GCC2: variants seen among roughly 807,000 people sequenced by gnomAD.
The protein encoded by GCC2 is GRIP and coiled-coil domain containing 2.
Under a neutral mutation model 210.6 loss-of-function variants are expected in GCC2, and 120 were observed. The ratio of observed to expected loss-of-function variants is 0.57; its 90% confidence interval spans 0.49 to 0.66. The LOEUF is 0.66. Ranked by LOEUF, GCC2 falls within the 30% of genes least tolerant of loss-of-function variation. The pLI, the probability that GCC2 is intolerant of heterozygous loss-of-function variation, is 0.00. For missense variants in GCC2, 1,868 were observed against 1,871.9 expected, an observed-to-expected ratio of 1.00 and a Z score of 0.04; for synonymous variants, 703 against 652.7, an observed-to-expected ratio of 1.08 and a Z score of -1.17.
Position 108,475,577 on chromosome 2 carries a change from A to G in GCC2, c.2903A>G (p.Asn968Ser), listed in dbSNP as rs753434393. The G allele has an allele frequency of 3.3e-6, 5 of 1,532,412 alleles. No individual in the cohort carries two copies. The highest frequency in any genetic ancestry group is 2.8e-5 in the African/African-American group (2 of 71,388). The allele number at this position is 1,532,412 out of a possible 1,614,324, so 94.9% of individuals were successfully genotyped here. ...KECKEKEEKI[N>S]KIKLVAVKAK... ...TGCAAAGAAAAGGAGGAGAAAATAA[A>G]TAAGATAAAATTAGTTGCCGTAAAG... Residue 968 changes from asparagine (N) to serine (S), a missense_variant, in exon 8 of 23, where the codon AAT (asparagine) becomes AGT (serine). Transcript: ENST00000309863.
rs753544225 is a variant in GCC2, at chr2:108,486,622, C to T, written c.3904C>T (p.Leu1302=). The T allele has an allele frequency of 1.9e-6, 3 of 1,613,414 alleles. No homozygotes were observed. The highest frequency in any genetic ancestry group is 1.1e-5 in the South Asian group (1 of 90,930). Residue 1302 remains leucine (L), a synonymous_variant, in exon 16 of 23, where the codon CTA becomes TTA. Transcript: ENST00000309863. The part of the protein sequence containing the change: ...LSAYQQRVTA[L]QEECRAAKAE... Reference sequence around the variant, plus strand: ...TGCATACCAGCAGAGAGTGACAGCACTACAGGAAGAGTGCCGTGCTGCCAA... The same window carrying T: ...TGCATACCAGCAGAGAGTGACAGCATTACAGGAAGAGTGCCGTGCTGCCAA...
At position 108,471,682 on chromosome 2, in the gene GCC2, G is replaced by C. The variant is rs781259774; in HGVS notation, c.2353G>C (p.Ala785Pro). The change falls in exon 6 of 23, where the codon GCA (alanine) becomes CCA (proline). Residue 785 changes from alanine (A) to proline (P), a missense_variant. Ala to Pro is a conservative substitution (Grantham distance 27). This residue lies in a region of GCC2 where 1,847 missense variants were observed against 1,765.2 expected (regional missense o/e 1.05). Coordinates refer to ENST00000309863, the MANE Select transcript of GCC2 (RefSeq NM_181453.4). Reference sequence around the variant, plus strand: ...GAAAGATGTTGTTAATGTCCTACAGGCAGTCGGTGAATCCTTGGCAAAAAT... The same window carrying C: ...GAAAGATGTTGTTAATGTCCTACAGCCAGTCGGTGAATCCTTGGCAAAAAT... Reference protein sequence around the residue: ...EEKDVVNVLQAVGESLAKINE... With the variant: ...EEKDVVNVLQPVGESLAKINE... 2 of 1,613,622 alleles carry C rather than the reference G, an allele frequency of 1.2e-6. No individual in the cohort carries two copies. The highest frequency in any genetic ancestry group is 1.7e-6 in the Non-Finnish European group (2 of 1,179,652).
Position 108,470,158 on chromosome 2 carries a change from A to G in GCC2, c.829A>G (p.Lys277Glu). ...AGAGATAAATAAGTTGAACGAGCTA[A>G]AAGAGAACTTAGTAAAACAATGTGA... ...EAEINKLNEL[K>E]ENLVKQCEAS... The change falls in exon 6 of 23, where the codon AAA (lysine) becomes GAA (glutamate). Residue 277 changes from lysine to glutamate, a missense_variant. Lys to Glu is a moderately conservative substitution (Grantham distance 56). Transcript: ENST00000309863. 1.9e-6 allele frequency: 3 copies of G among 1,613,804 alleles called. No homozygotes were observed. The highest frequency in any genetic ancestry group is 2.5e-6 in the Non-Finnish European group (3 of 1,179,882).
chr2:108,472,379 G>GT (rs1338398840), intron 6 of GCC2, among the ~76,000 whole-genome samples: 2 of 152,138 alleles, frequency 1.3e-5, no homozygotes, highest in African/African-American at 4.8e-5. Context: ...TTGATCAGAA[G>GT]TTTATTAGTC....
At chr2:108,503,803 T>C (rs1683047213) in intron 22 of GCC2, among the ~76,000 whole-genome samples, 1 of 152,188 alleles carries the variant, frequency 6.6e-6, no homozygotes, top group East Asian at 1.9e-4. Context: ...ATTCAGAATA[T>C]TTTTTTAAAA....
rs151279248 is a variant in GCC2, at chr2:108,497,076, A to G, written c.4749A>G (p.Glu1583=). The change falls in exon 21 of 23, where the codon GAA becomes GAG. Residue 1583 remains glutamate, a synonymous_variant. Transcript: ENST00000309863. The stretch of plus-strand genomic sequence containing the variant: ...TAAACGGCCTGCTTCGGGAAACAGA[A>G]GCAACCAATGCAATTCTTATGGAGC... ...DHLNGLLRET[E]ATNAILMEQI... is the part of the protein sequence containing the mutation. 762 of 1,611,926 alleles carry G rather than the reference A, an allele frequency of 4.7e-4. 15 individuals are homozygous for G. The highest frequency in any genetic ancestry group is 4.5e-4 in the Middle Eastern group (2 of 4,452).
In GCC2 at chr2:108,475,635, G is replaced by A; in HGVS notation, c.2961G>A (p.Glu987=). The A allele has an allele frequency of 1.3e-6, 2 of 1,527,832 alleles. No homozygotes were observed. The highest frequency in any genetic ancestry group is 1.8e-6 in the Non-Finnish European group (2 of 1,128,504). 94.6% of individuals were successfully genotyped at this position (1,527,832 alleles called of 1,614,324 possible). A position where few individuals can be genotyped will look rare whatever the true frequency, so the allele number is the denominator to read the frequency against. The part of the protein sequence containing the change: ...AKKELDSSRK[E]TQTVKEELES... ...AAGAACTAGATTCCAGCAGAAAAGA[G>A]GTGAGCTGACTTTAAAAATGTAAGA... Residue 987 remains glutamate (E), a splice_region_variant and synonymous_variant, in exon 8 of 23, where the codon GAG becomes GAA. Transcript: ENST00000309863.
At chr2:108,479,362 C>T (rs770318981) in intron 9 of GCC2, among the ~76,000 whole-genome samples, 4 of 152,072 alleles carry the variant, frequency 2.6e-5, no homozygotes, top group Non-Finnish European at 5.9e-5. Flanking sequence ...AAGCAAGAGC[C>T]GGGCATGGTG....
At position 108,470,276 on chromosome 2, in the gene GCC2, G is replaced by T; in HGVS notation, c.947G>T (p.Cys316Phe). 1 of 1,613,406 alleles carries T rather than the reference G, an allele frequency of 6.2e-7. No individual in the cohort carries two copies. Among genetic ancestry groups the T allele is most frequent in the Non-Finnish European group, 8.5e-7 (1 of 1,179,704 alleles). Residue 316 changes from cysteine to phenylalanine, a missense_variant, in exon 6 of 23, where the codon TGT becomes TTT. This residue lies in a region of GCC2 where 1,847 missense variants were observed against 1,765.2 expected (regional missense o/e 1.05). Transcript: ENST00000309863. Reference sequence around the variant, plus strand: ...AATGCAAACCAAGACAATCAGATATGTTCTATTCTCTTGCAAGAAAATACA... The same window carrying T: ...AATGCAAACCAAGACAATCAGATATTTTCTATTCTCTTGCAAGAAAATACA... ...TSNANQDNQI[C>F]SILLQENTFV...
intron 2 of GCC2, 54 bp from the exon 3 acceptor site, chr2:108,450,974 G>T: frequency 2.8e-6 from 3 of 1,052,890 alleles, no homozygotes; most frequent in Admixed American, 3.9e-5. Context: ...TCTTTTTTGT[G>T]GTATACTAGA....
Position 108,495,426 on chromosome 2 carries a change from C to G in GCC2, c.4583C>G (p.Ser1528Cys). The G allele has an allele frequency of 6.3e-7, 1 of 1,594,226 alleles. No homozygotes were observed. The highest frequency in any genetic ancestry group is 8.5e-7 in the Non-Finnish European group (1 of 1,177,910). The change falls in exon 20 of 23, where the codon TCC (serine) becomes TGC (cysteine). Residue 1528 changes from serine (S) to cysteine (C), a missense_variant. Physicochemically the swap from Ser to Cys is moderately radical, Grantham distance 112. This residue lies in a region of GCC2 where 1,847 missense variants were observed against 1,765.2 expected (regional missense o/e 1.05). Coordinates refer to ENST00000309863, the MANE Select transcript of GCC2 (RefSeq NM_181453.4). ...ACAACTGATACGGAGTCTGTGTCTT[C>G]CGCCAGCACATACACACAGTCTTTA... is the stretch of plus-strand genomic sequence containing the variant. Reference protein sequence around the residue: ...METTDTESVSSASTYTQSLEQ... With the variant: ...METTDTESVSCASTYTQSLEQ...
chr2:108,484,383 CTTGT>C, intron 13 of GCC2, 72 bp downstream of exon 13: 1 of 838,630 alleles, frequency 1.2e-6, no homozygotes. Context: ...GGGGGCATTA[CTTGT>C]TTATTTCACC....
At position 108,487,815 on chromosome 2, in the gene GCC2, A is replaced by G; in HGVS notation, c.4047A>G (p.Gln1349=). ...AGGCTGAAACTGAGGGCGCTAAACA[A>G]GAAAGGTAAAGTCTGAATTAAATAT... is the stretch of plus-strand genomic sequence containing the variant. ...MSQAETEGAK[Q]EREHLEMLID... is the part of the protein sequence containing the mutation. The change falls in exon 17 of 23, where the codon CAA becomes CAG. Residue 1349 remains glutamine, a synonymous_variant. Coordinates refer to ENST00000309863, the MANE Select transcript of GCC2 (RefSeq NM_181453.4). 6.2e-7 allele frequency: 1 copy of G among 1,613,366 alleles called. No individual in the cohort carries two copies. Among genetic ancestry groups the G allele is most frequent in the South Asian group, 1.1e-5 (1 of 91,008 alleles).
chr2:108,449,258 G>A lies in GCC2; in HGVS notation c.-17G>A. 1.9e-6 allele frequency: 3 copies of A among 1,549,234 alleles called. No individual in the cohort carries two copies. The highest frequency in any genetic ancestry group is 2.6e-6 in the Non-Finnish European group (3 of 1,145,208). ...GGTGGCGGCGGCTGGTTGCGGGCCG[G>A]CGGCGGGCTGGCGGAGATGGAGGTA... On this transcript the variant is annotated 5_prime_UTR_variant, in exon 1 of 23. Coordinates refer to ENST00000309863, the MANE Select transcript of GCC2 (RefSeq NM_181453.4).
chr2:108,450,489 A>G (rs1462608778), intron 2 of GCC2, among the ~76,000 whole-genome samples: 1 of 152,250 alleles, frequency 6.6e-6, no homozygotes, highest in Non-Finnish European at 1.5e-5. Context: ...AACATTAGCT[A>G]TAAGAGGATA....
intron 4 of GCC2, among the ~76,000 whole-genome samples, chr2:108,457,263 G>C (rs1269810379): frequency 6.6e-6 from 1 of 152,130 alleles, no homozygotes; most frequent in African/African-American, 2.4e-5. Flanking sequence ...CCCAGTGTGT[G>C]TTCTTAATGG....
intron 4 of GCC2, among the ~76,000 whole-genome samples, chr2:108,452,786 C>T (rs891053942): frequency 6.7e-6 from 1 of 149,798 alleles, no homozygotes. Context: ...CTCTGCCTCC[C>T]GAGTTCAAGC....
chr2:108,450,986 A>T (rs1340596353), intron 2 of GCC2, 42 bp from the exon 3 acceptor site: 1 of 1,242,252 alleles, frequency 8.0e-7, no homozygotes, highest in Non-Finnish European at 1.2e-6. Context: ...TATACTAGAA[A>T]CATGAGTTAT....
rs77488514 is a variant in GCC2 at position 108,450,115 on chromosome 2, T to G, written c.63+426T>G. On this transcript the variant is annotated intron_variant, in intron 2 of 22. Transcript: ENST00000309863. ...TTCAATCATTCTAAATGATAGTGGTTTATTGCTAAGGTTTATTGTGTGCAT... is the reference window on the plus strand; with the variant it reads ...TTCAATCATTCTAAATGATAGTGGTGTATTGCTAAGGTTTATTGTGTGCAT... 80 of 159,280 alleles carry G rather than the reference T, an allele frequency of 5.0e-4. 2 individuals carry two copies. In the East Asian group the frequency reaches 9.8e-3, roughly 20 times the overall value. 9.9% of individuals were successfully genotyped at this position (159,280 alleles called of 1,614,324 possible). A position where few individuals can be genotyped will look rare whatever the true frequency, so the allele number is the denominator to read the frequency against.
Sources: allele counts gnomAD v4.1 joint callset (sites outside exome capture counted in the v4.1 genomes callset), GRCh38; gene constraint gnomAD v4.1.1; regional missense constraint gnomAD v4.1.1; transcripts MANE v1.5; gene names NCBI Gene and HGNC (gene_info 2026-07-23, HGNC 2026-07-21).